RAB40B: variants seen among roughly 807,000 people sequenced by gnomAD.
RAB40B encodes RAB40B, member RAS oncogene family, also known as ras-related protein Rab-40B.
Under a neutral mutation model 24.0 loss-of-function variants are expected in RAB40B, and 21 were observed. The observed-to-expected ratio is 0.88, with a 90% CI of 0.62 to 1.26. The LOEUF (loss-of-function observed/expected upper bound fraction) is 1.26, where lower values mean the gene tolerates loss of function less well. Among genes scored for constraint, RAB40B ranks in the 50% most tolerant of loss-of-function variants. The pLI is 0.00. For missense variants in RAB40B, 348 were observed against 390.5 expected (o/e 0.89, Z 0.92); for synonymous variants, 167 against 169.8 (o/e 0.98, Z 0.13).
chr17:82,670,578 A>G (rs565978511), intron 1 of RAB40B, among the ~76,000 whole-genome samples: 37 of 142,820 alleles, frequency 2.6e-4, no homozygotes, highest in South Asian at 1.8e-3. Context: ...TCTGTCGCCC[A>G]GGCTGGAGTG....
intron 1 of RAB40B, among the ~76,000 whole-genome samples, chr17:82,665,147 C>A (rs988360773): frequency 1.3e-5 from 2 of 152,192 alleles, no homozygotes; most frequent in African/African-American, 4.8e-5. Context: ...CCCGTCCCAG[C>A]CACCTCTGGG....
In RAB40B at chr17:82,697,041, C is replaced by T. The variant is rs1191832777; in HGVS notation, c.142+1414G>A. ...GGTAGAGACGCAGGCTCCCCTCCTG[C>T]CCCACGGAGCACACTCTGCACCCAC... is the stretch of plus-strand genomic sequence containing the variant. On this transcript the variant is annotated intron_variant, in intron 1 of 5. Coordinates refer to ENST00000571995, the MANE Select transcript of RAB40B (RefSeq NM_006822.3). This position sits in a 1 kb window ranked among gnomAD's most constrained non-coding sequence, Gnocchi z 4.9. Among the ~76,000 whole-genome samples, 1 of 152,102 alleles carries T rather than the reference C, an allele frequency of 6.6e-6. No homozygotes were observed. The highest frequency in any genetic ancestry group is 1.5e-5 in the Non-Finnish European group (1 of 68,008).
At position 82,685,699 on chromosome 17, in the gene RAB40B, G is replaced by C. The variant is rs571453014; in HGVS notation, c.142+12756C>G. ...TCATGAGAACGAAACTGTCCTTTCG[G>C]GTTTCACCATCTATCTATACTGGGT... On this transcript the variant is annotated intron_variant, in intron 1 of 5. Coordinates refer to ENST00000571995, the MANE Select transcript of RAB40B (RefSeq NM_006822.3). 2.6e-5 allele frequency among the ~76,000 whole-genome samples: 4 copies of C among 152,308 alleles called. No homozygotes were observed. In the East Asian group the frequency reaches 7.7e-4, roughly 29 times the overall value.
At chr17:82,693,184 T>C (rs1462516558) in intron 1 of RAB40B, among the ~76,000 whole-genome samples, 5 of 151,996 alleles carry the variant, frequency 3.3e-5, no homozygotes. Context: ...TTTTTGTATT[T>C]TTAGTAGAGA....
chr17:82,688,599 A>G (rs1429504256), intron 1 of RAB40B, among the ~76,000 whole-genome samples: 2 of 151,550 alleles, frequency 1.3e-5, no homozygotes, highest in Non-Finnish European at 2.9e-5. Context: ...TGGGTGACAA[A>G]GCGAGACTCC....
In RAB40B at chr17:82,659,331, C is replaced by T. The variant is rs1045025692; in HGVS notation, c.342+249G>A. On this transcript the variant is annotated intron_variant, in intron 4 of 5. Transcript: ENST00000571995. ...AGGCCAAACCTGACCCCACGCATAG[C>T]CGAGGTACGCCGTGGACGCTCGTTT... 2.3e-5 allele frequency: 12 copies of T among 511,004 alleles called. No individual in the cohort carries two copies. In the Admixed American group the frequency reaches 2.7e-4, roughly 12 times the overall value. 31.7% of individuals were successfully genotyped at this position (511,004 alleles called of 1,614,324 possible).
chr17:82,685,490 A>T (rs2244566), intron 1 of RAB40B, among the ~76,000 whole-genome samples: 4 of 152,132 alleles, frequency 2.6e-5, no homozygotes, highest in Admixed American at 1.3e-4. Flanking sequence ...TAGGGTCCCA[A>T]GGAGACAGCC....
rs1295722890 is a variant in RAB40B at position 82,697,843 on chromosome 17, G to A, written c.142+612C>T. 1.3e-5 allele frequency among the ~76,000 whole-genome samples: 2 copies of A among 152,316 alleles called. No individual in the cohort carries two copies. The highest frequency in any genetic ancestry group is 3.9e-4 in the East Asian group (2 of 5,162). ...CCCGCTCTCCGGCCGCTGTCGTGGG[G>A]GGTCCCCTCTTCCGCACGCGAGTCA... On this transcript the variant is annotated intron_variant, in intron 1 of 5. Transcript: ENST00000571995. The surrounding 1 kb of genome is among the most constrained non-coding windows in gnomAD (Gnocchi z 4.9).
At position 82,656,834 on chromosome 17, in the gene RAB40B, T is replaced by A. The variant is rs1370124790; in HGVS notation, c.*1029A>T. ...TTCAACACCAGCCTGACCAACATGG[T>A]GAAACCCCATCTCTACTAAAAATAC... On this transcript the variant is annotated 3_prime_UTR_variant, in exon 6 of 6. Transcript: ENST00000571995. The A allele has an allele frequency of 6.6e-6, 1 of 152,134 alleles. No homozygotes were observed. The highest frequency in any genetic ancestry group is 2.4e-5 in the African/African-American group (1 of 41,390). The allele number at this position is 152,134 out of a possible 1,614,324, so 9.4% of individuals were successfully genotyped here.
At chr17:82,691,271 G>A (rs2046554751) in intron 1 of RAB40B, among the ~76,000 whole-genome samples, 1 of 152,230 alleles carries the variant, frequency 6.6e-6, no homozygotes, top group Admixed American at 6.5e-5. Flanking sequence ...GGACACTGAA[G>A]AAACAGCCAG....
intron 5 of RAB40B, 144 bp from the exon 6 acceptor site, chr17:82,658,278 G>A (rs2046112298): frequency 2.5e-6 from 3 of 1,209,424 alleles, no homozygotes; most frequent in East Asian, 2.5e-5. Flanking sequence ...GCCCTGCCGC[G>A]ACGTCCCCTC....
chr17:82,696,170 G>C (rs1305426089), intron 1 of RAB40B, among the ~76,000 whole-genome samples: 2 of 152,110 alleles, frequency 1.3e-5, no homozygotes, highest in African/African-American at 4.8e-5. Context: ...CCCCGGCCCG[G>C]TGGGAGGTGT....
At chr17:82,658,995 G>A (rs549065274) in intron 4 of RAB40B, 12 of 401,158 alleles carry the variant, frequency 3.0e-5, no homozygotes, top group Non-Finnish European at 4.5e-5. Flanking sequence ...CTGGAGCGGT[G>A]CAGCCACAAG....
intron 3 of RAB40B, among the ~76,000 whole-genome samples, chr17:82,660,040 GCACA>G (rs765707229): frequency 2.6e-5 from 4 of 152,112 alleles, no homozygotes; most frequent in Non-Finnish European, 5.9e-5. Flanking sequence ...ACAGATGCAC[GCACA>G]CACAGTGCAC....
At chr17:82,668,573 G>A (rs1460115353) in intron 1 of RAB40B, among the ~76,000 whole-genome samples, 1 of 152,282 alleles carries the variant, frequency 6.6e-6, no homozygotes, top group East Asian at 1.9e-4. Context: ...AAGGGCTGGT[G>A]TGTCCGTGCT....
At chr17:82,682,805 C>T (rs1035952844) in intron 1 of RAB40B, among the ~76,000 whole-genome samples, 43 of 152,210 alleles carry the variant, frequency 2.8e-4, no homozygotes, top group African/African-American at 9.4e-4. Flanking sequence ...ATTAGACATC[C>T]CTGTGCAAAA....
intron 1 of RAB40B, among the ~76,000 whole-genome samples, chr17:82,691,598 C>T (rs2046558548): frequency 6.6e-6 from 1 of 152,174 alleles, no homozygotes; most frequent in African/African-American, 2.4e-5. Flanking sequence ...AGGAGAATCA[C>T]TTGAACCCAG....
In RAB40B at chr17:82,656,354, C is replaced by A. The variant is rs1266072360; in HGVS notation, c.*1509G>T. The A allele has an allele frequency of 6.6e-6, 1 of 152,218 alleles. No homozygotes were observed. Among genetic ancestry groups the A allele is most frequent in the Non-Finnish European group, 1.5e-5 (1 of 68,082 alleles). The allele number at this position is 152,218 out of a possible 1,614,324, so 9.4% of individuals were successfully genotyped here. ...TTAGTCCCTCATTTGCGACCCCCAG[C>A]CACAGAGAAACGTTCAACAGTGTGA... On this transcript the variant is annotated 3_prime_UTR_variant, in exon 6 of 6. Coordinates refer to ENST00000571995, the MANE Select transcript of RAB40B (RefSeq NM_006822.3).
chr17:82,679,634 G>T (rs1598309974), intron 1 of RAB40B, among the ~76,000 whole-genome samples: 1 of 152,210 alleles, frequency 6.6e-6, no homozygotes, highest in Non-Finnish European at 1.5e-5. Flanking sequence ...CTCCCAAAAG[G>T]TGAGGCCTGG....
Sources: allele counts gnomAD v4.1 joint callset (sites outside exome capture counted in the v4.1 genomes callset), GRCh38; gene constraint gnomAD v4.1.1; non-coding constraint Gnocchi (gnomAD v3.1); transcripts MANE v1.5; gene names NCBI Gene and HGNC (gene_info 2026-07-23, HGNC 2026-07-21).